Variants in PCDHA6 observed in about 807,000 individuals in gnomAD.
The protein encoded by PCDHA6 is protocadherin alpha 6, also known as protocadherin alpha-6.
In PCDHA6, 55 loss-of-function variants were observed where a neutral mutation model predicts 60.3. That is an observed-to-expected ratio of 0.91 (90% CI 0.73 to 1.14). PCDHA6 has a LOEUF of 1.14. Among genes scored for constraint, PCDHA6 ranks in the 50% most tolerant of loss-of-function variants. The pLI, the probability that PCDHA6 is intolerant of heterozygous loss-of-function variation, is 0.00. For missense variants in PCDHA6, 1,327 were observed against 1,256.5 expected, an observed-to-expected ratio of 1.06 and a Z score of -0.85; for synonymous variants, 652 against 557.9, an observed-to-expected ratio of 1.17 and a Z score of -2.38.
intron 1 of PCDHA6, among the ~76,000 whole-genome samples, chr5:140,896,646 G>C (rs1330006792): frequency 6.6e-6 from 1 of 152,078 alleles, no homozygotes; most frequent in Non-Finnish European, 1.5e-5. Flanking sequence ...CAAAGTGCTA[G>C]TATTACAGGC....
intron 1 of PCDHA6, among the ~76,000 whole-genome samples, chr5:140,896,927 A>G (rs1453519374): frequency 6.6e-6 from 1 of 152,212 alleles, no homozygotes; most frequent in Non-Finnish European, 1.5e-5. Flanking sequence ...TAATCACATC[A>G]TGGAAAATGG....
chr5:140,966,520 C>T, intron 1 of PCDHA6: 1 of 437,694 alleles, frequency 2.3e-6, no homozygotes, highest in East Asian at 3.5e-5. Context: ...CAGCAGGAAG[C>T]CGAGCCGGGT....
chr5:141,000,421 ATTTTTT>A (rs34755515), intron 3 of PCDHA6, among the ~76,000 whole-genome samples: 34 of 27,962 alleles, frequency 1.2e-3, no homozygotes, highest in East Asian at 9.9e-3. Context: ...ATATATATAT[ATTTTTT>A]TTTTTTTTTT....
chr5:140,837,632 C>T (rs2150277792), intron 1 of PCDHA6, among the ~76,000 whole-genome samples: 69 of 151,222 alleles, frequency 4.6e-4, no homozygotes, highest in South Asian at 6.3e-4. Flanking sequence ...TTCCTTCCTT[C>T]CTTTCTTTCT....
chr5:140,828,490 C>G lies in PCDHA6; in HGVS notation c.399C>G (p.Phe133Leu). 1.2e-6 allele frequency: 2 copies of G among 1,614,172 alleles called. No homozygotes were observed. The highest frequency in any genetic ancestry group is 1.7e-6 in the Non-Finnish European group (2 of 1,180,036). ...ACATTAACGACAACCCGCCCTTGTT[C>G]CCGGTAGAGGAACAAAGAGTGCTGA... ...VRDINDNPPL[F>L]PVEEQRVLIY... Residue 133 changes from phenylalanine (F) to leucine (L), a missense_variant, in exon 1 of 4, where the codon TTC (phenylalanine) becomes TTG (leucine). Transcript: ENST00000529310.
At chr5:140,876,635 C>T (rs1554168754) in intron 1 of PCDHA6, 1 of 1,614,208 alleles carries the variant, frequency 6.2e-7, no homozygotes, top group East Asian at 2.2e-5. Flanking sequence ...GTCATCTGCT[C>T]ACTGACACCT....
intron 1 of PCDHA6, among the ~76,000 whole-genome samples, chr5:140,924,615 C>G (rs142536325): frequency 6.6e-6 from 1 of 152,150 alleles, no homozygotes; most frequent in African/African-American, 2.4e-5. Flanking sequence ...ATGCCAGGTG[C>G]GGTGGCATGG....
intron 1 of PCDHA6, chr5:140,877,750 T>C (rs782654875): frequency 6.2e-7 from 1 of 1,614,146 alleles, no homozygotes; most frequent in Non-Finnish European, 8.5e-7. Flanking sequence ...GAGGGTGTGC[T>C]CTGCAGAGAG....
At chr5:140,887,770 G>A (rs2061571546) in intron 1 of PCDHA6, among the ~76,000 whole-genome samples, 2 of 152,072 alleles carry the variant, frequency 1.3e-5, no homozygotes, top group South Asian at 4.1e-4. Flanking sequence ...ATGTTACAAT[G>A]ACACAGGTCA....
intron 1 of PCDHA6, chr5:140,848,326 C>T (rs1554142056): frequency 2.5e-6 from 2 of 808,244 alleles, no homozygotes; most frequent in African/African-American, 3.4e-5. Flanking sequence ...GATGTTCTCT[C>T]TGAATCCAGA....
At chr5:140,992,862 G>A (rs2097531583) in intron 3 of PCDHA6, among the ~76,000 whole-genome samples, 2 of 152,084 alleles carry the variant, frequency 1.3e-5, no homozygotes, top group Non-Finnish European at 2.9e-5. Context: ...TTTCACTCTA[G>A]CTCCCTCCTT....
At chr5:140,927,760 A>G in intron 1 of PCDHA6, 1 of 1,614,206 alleles carries the variant, frequency 6.2e-7, no homozygotes, top group Non-Finnish European at 8.5e-7. Context: ...GCACCCTAAA[A>G]GTGGGGAGGT....
chr5:140,944,276 A>C (rs2093633258), intron 1 of PCDHA6, among the ~76,000 whole-genome samples: 1 of 152,002 alleles, frequency 6.6e-6, no homozygotes, highest in Non-Finnish European at 1.5e-5. Flanking sequence ...CAGCCTTGAC[A>C]CCCCGGGCTC....
At chr5:140,926,772 G>A in intron 1 of PCDHA6, 1 of 1,380,738 alleles carries the variant, frequency 7.2e-7, no homozygotes, top group Non-Finnish European at 9.4e-7. Context: ...CCAGCCCGCA[G>A]CAGTGACGGC....
At chr5:140,856,151 T>C (rs2043811735) in intron 1 of PCDHA6, 2 of 1,598,312 alleles carry the variant, frequency 1.3e-6, no homozygotes, top group Middle Eastern at 1.7e-4. Context: ...CTACTCAGTC[T>C]ACGAGGAGGC....
intron 1 of PCDHA6, chr5:140,850,381 G>C (rs2041568642): frequency 2.5e-6 from 4 of 1,597,894 alleles, no homozygotes; most frequent in Non-Finnish European, 3.4e-6. Flanking sequence ...CTGTACACGG[G>C]CGAGATCAGC....
At chr5:140,833,540 G>A (rs1050312337) in intron 1 of PCDHA6, among the ~76,000 whole-genome samples, 6 of 152,094 alleles carry the variant, frequency 3.9e-5, no homozygotes, top group African/African-American at 1.4e-4. Flanking sequence ...GTGTTCGAAA[G>A]GATAGAATGA....
rs372349337 is a variant in PCDHA6, at chr5:140,882,421, C to A, written c.2394+51936C>A. On this transcript the variant is annotated intron_variant, in intron 1 of 3. Transcript: ENST00000529310. ...CCTTCGTGGGCCGCATCGCTCAGGA[C>A]CTGGGGCTGGAGCTGGCGGAGCTGG... is the stretch of plus-strand genomic sequence containing the variant. 5.0e-6 allele frequency: 8 copies of A among 1,613,986 alleles called. No homozygotes were observed. The African/African-American group carries it at 8.0e-5, about 16-fold the overall frequency.
chr5:140,844,854 T>C (rs1315515801), intron 1 of PCDHA6, among the ~76,000 whole-genome samples: 10 of 149,524 alleles, frequency 6.7e-5, no homozygotes, highest in African/African-American at 2.4e-4. Context: ...CTGTTGGACC[T>C]GCCTGGATAT....
Sources: gnomAD v4.1 joint callset for allele counts (sites outside exome capture counted in the v4.1 genomes callset) on GRCh38, gnomAD v4.1.1 for gene constraint, MANE v1.5 for transcripts, NCBI Gene and HGNC (gene_info 2026-07-23, HGNC 2026-07-21) for gene names.